The following RIPK3 variants were observed in gnomAD, a reference collection of about 807,000 sequenced individuals.
The protein encoded by RIPK3 is receptor-interacting serine/threonine-protein kinase 3.
RIPK3 carries 51 observed loss-of-function variants against 51.6 expected under a neutral mutation model. The ratio of observed to expected loss-of-function variants is 0.99; its 90% CI spans 0.79 to 1.25. The LOEUF is 1.25. Among genes scored for constraint, RIPK3 ranks in the 50% most tolerant of loss-of-function variants. RIPK3 has a pLI of 0.00. For missense variants in RIPK3, 654 were observed against 650.4 expected, an observed-to-expected ratio of 1.01 and a Z score of -0.06; for synonymous variants, 246 against 257.7, an observed-to-expected ratio of 0.95 and a Z score of 0.44.
At position 24,337,594 on chromosome 14, in the gene RIPK3, G is replaced by T. The variant is rs1950501; in HGVS notation, c.900+101C>A. The T allele has an allele frequency of 2.3e-4, 353 of 1,559,062 alleles. No individual in the cohort carries two copies. In the East Asian group the frequency reaches 3.6e-3, roughly 16 times the overall value. The stretch of plus-strand genomic sequence containing the variant: ...TGGGGACGGTGGGTACAAAGGTCAA[G>T]GCATAAAAAGCAGTGGTCAGTGGTG... On this transcript the variant is annotated intron_variant, in intron 7 of 9. Transcript: ENST00000216274.
intron 3 of RIPK3, 177 bp from the exon 4 acceptor site, chr14:24,338,744 T>C: frequency 1.1e-6 from 1 of 904,958 alleles, no homozygotes; most frequent in Non-Finnish European, 1.6e-6. Flanking sequence ...TAGGTCAAGG[T>C]CTGAGTCTCC....
chr14:24,339,712 C>G lies in RIPK3; in HGVS notation c.20+95G>C. 1 of 1,576,068 alleles carries G rather than the reference C, an allele frequency of 6.3e-7. No homozygotes were observed. Among genetic ancestry groups the G allele is most frequent in the Non-Finnish European group, 8.6e-7 (1 of 1,158,278 alleles). ...CCCAGCCTCCCTCGCCGGCCCCCACCGTCCCCGGACTCAAAGACGTTCTCT... is the reference window on the plus strand; with the variant it reads ...CCCAGCCTCCCTCGCCGGCCCCCACGGTCCCCGGACTCAAAGACGTTCTCT... On this transcript the variant is annotated intron_variant, in intron 1 of 9. Transcript: ENST00000216274. This position sits in a 1 kb window ranked among gnomAD's most constrained non-coding sequence, Gnocchi z 4.0.
chr14:24,338,975 G>A (rs780553140), intron 3 of RIPK3, 40 bp downstream of exon 3: 1 of 1,538,216 alleles, frequency 6.5e-7, no homozygotes, highest in South Asian at 1.1e-5. Flanking sequence ...GCAGCTCTGG[G>A]GCCTTGTCTT....
rs767007978 is a variant in RIPK3, at chr14:24,339,757, T to C, written c.20+50A>G. On this transcript the variant is annotated intron_variant, in intron 1 of 9. Transcript: ENST00000216274. This position sits in a 1 kb window ranked among gnomAD's most constrained non-coding sequence, Gnocchi z 4.0. ...TTCTCTGAGCGAGTCTGTGGGGCTC[T>C]CTGGGTGTGAATGTCGGAGGCTGCG... 1 of 1,565,820 alleles carries C rather than the reference T, an allele frequency of 6.4e-7. No homozygotes were observed. Among genetic ancestry groups the C allele is most frequent in the Non-Finnish European group, 8.6e-7 (1 of 1,156,706 alleles).
In RIPK3 at chr14:24,336,944, C is replaced by T. The variant is rs139713262; in HGVS notation, c.1277G>A (p.Gly426Glu). ...TPSPGPRGNQ[G>E]AERQGMNWSC... ...CCAGTTCATGCCTTGTCTCTCAGCC[C>T]CCTGCAAACAGCACAGAGCATCCAG... is the stretch of plus-strand genomic sequence containing the variant. Residue 426 changes from glycine (G) to glutamate (E), a missense_variant and splice_region_variant, in exon 9 of 10, where the codon GGG becomes GAG. Transcript: ENST00000216274. 3.9e-5 allele frequency: 63 copies of T among 1,613,758 alleles called. No individual in the cohort carries two copies. Among genetic ancestry groups the T allele is most frequent in the Non-Finnish European group, 5.2e-5 (61 of 1,179,868 alleles).
chr14:24,337,673 G>A (rs1000676766), intron 7 of RIPK3, 22 bp downstream of exon 7: 2 of 1,579,446 alleles, frequency 1.3e-6, no homozygotes, highest in Admixed American at 1.7e-5. Flanking sequence ...AGCTCCTGGG[G>A]AGGGGTGATG....
Position 24,336,880 on chromosome 14 carries a change from G to T in RIPK3, c.1336+5C>A. ...AGGGAAAAGAAAGAGGTAGAGAATG[G>T]GTACCTGTTACTGGATTTGGCTCCG... is the stretch of plus-strand genomic sequence containing the variant. On this transcript the variant is annotated splice_donor_5th_base_variant and intron_variant, in intron 9 of 9. Transcript: ENST00000216274. The T allele has an allele frequency of 6.2e-7, 1 of 1,611,644 alleles. No homozygotes were observed. Among genetic ancestry groups the T allele is most frequent in the Non-Finnish European group, 8.5e-7 (1 of 1,177,730 alleles).
chr14:24,337,908 C>T lies in RIPK3; in HGVS notation c.797G>A (p.Trp266Ter). 1 of 1,614,224 alleles carries T rather than the reference C, an allele frequency of 6.2e-7. No individual in the cohort carries two copies. The highest frequency in any genetic ancestry group is 8.5e-7 in the Non-Finnish European group (1 of 1,180,044). ...EGLKELMQLCWSSEPKDRPSF... is the reference protein window; with the variant it reads ...EGLKELMQLC The stretch of plus-strand genomic sequence containing the variant: ...GGGTCTGTCCTTGGGCTCACTGCTC[C>T]AGCAGAGCTGCATTAGCTCCTTCAG... The change falls in exon 6 of 10, where the codon TGG (tryptophan) becomes TAG (stop). Residue 266 changes from tryptophan (W) to a stop codon, truncating the protein, a stop_gained. Coordinates refer to ENST00000216274, the MANE Select transcript of RIPK3 (RefSeq NM_006871.4). LOFTEE classifies it high-confidence loss of function.
At position 24,339,512 on chromosome 14, in the gene RIPK3, A is replaced by G. The variant is rs757907850; in HGVS notation, c.106T>C (p.Phe36Leu). 1 of 1,614,172 alleles carries G rather than the reference A, an allele frequency of 6.2e-7. No individual in the cohort carries two copies. The highest frequency in any genetic ancestry group is 1.7e-5 in the Admixed American group (1 of 60,026). ...LVGKGGFGTV[F>L]RAQHRKWGYD... ...CCCCACTTCCTATGTTGCGCCCGGA[A>G]CACTGTGCCGAACCCGCCTTTGCCG... The change falls in exon 2 of 10, where the codon TTC (phenylalanine) becomes CTC (leucine). Residue 36 changes from phenylalanine to leucine, a missense_variant. By Grantham distance (22) the Phe-to-Leu change is conservative (BLOSUM62 0). Coordinates refer to ENST00000216274, the MANE Select transcript of RIPK3 (RefSeq NM_006871.4). The surrounding 1 kb of genome is among the most constrained non-coding windows in gnomAD (Gnocchi z 4.0).
At position 24,339,633 on chromosome 14, in the gene RIPK3, C is replaced by G. The variant is rs761808877; in HGVS notation, c.21-36G>C. On this transcript the variant is annotated intron_variant, in intron 1 of 9. Coordinates refer to ENST00000216274, the MANE Select transcript of RIPK3 (RefSeq NM_006871.4). This position sits in a 1 kb window ranked among gnomAD's most constrained non-coding sequence, Gnocchi z 4.0. ...GGTGTCGCCCACTAGCCGGCCGTGC[C>G]GTGCCTCAGCGCTGCTCCCCGCGCC... The G allele has an allele frequency of 3.2e-5, 52 of 1,612,418 alleles. No homozygotes were observed. In the Middle Eastern group the frequency reaches 6.6e-4, roughly 20 times the overall value.
intron 7 of RIPK3, 59 bp from the exon 8 acceptor site, chr14:24,337,519 G>T: frequency 6.2e-7 from 1 of 1,611,582 alleles, no homozygotes. Flanking sequence ...TAAACCCAAG[G>T]GAGTAGTCTC....
In RIPK3 at chr14:24,339,702, C is replaced by G. The variant is rs980137714; in HGVS notation, c.20+105G>C. On this transcript the variant is annotated intron_variant, in intron 1 of 9. Transcript: ENST00000216274. This position sits in a 1 kb window ranked among gnomAD's most constrained non-coding sequence, Gnocchi z 4.0. ...CACTGCAATCCCCAGCCTCCCTCGC[C>G]GGCCCCCACCGTCCCCGGACTCAAA... 3.8e-6 allele frequency: 6 copies of G among 1,579,806 alleles called. No homozygotes were observed. The African/African-American group carries it at 8.1e-5, about 21-fold the overall frequency.
chr14:24,337,039 C>A (rs1387727400), intron 8 of RIPK3, 47 bp downstream of exon 8: 4 of 1,607,738 alleles, frequency 2.5e-6, no homozygotes, highest in Non-Finnish European at 3.4e-6. Context: ...AAGGGGACAG[C>A]ATTTATAGGA....
In RIPK3 at chr14:24,339,070, AGG is replaced by A; in HGVS notation, c.414_415del (p.Leu139AlafsTer54). ...GTTGGATGGCTTGAGGTCCCGGTGC[AGG>A]AGCACCGGGTTCTGGTCGTGCAGGT... On this transcript the variant is annotated frameshift_variant, in exon 3 of 10. Transcript: ENST00000216274. LOFTEE classifies it high-confidence loss of function. The surrounding 1 kb of genome is among the most constrained non-coding windows in gnomAD (Gnocchi z 4.0). The A allele has an allele frequency of 6.2e-7, 1 of 1,614,068 alleles. No homozygotes were observed. Among genetic ancestry groups the A allele is most frequent in the Non-Finnish European group, 8.5e-7 (1 of 1,179,914 alleles).
intron 4 of RIPK3, 22 bp downstream of exon 4, chr14:24,338,400 G>A (rs1015888828): frequency 9.4e-6 from 15 of 1,599,644 alleles, no homozygotes; most frequent in Non-Finnish European, 1.3e-5. Flanking sequence ...TCCTGGCTGT[G>A]TGTTTGGGCC....
Position 24,336,189 on chromosome 14 carries a change from G to T in RIPK3, c.1543C>A (p.His515Asn). ...AWSRPQGWYN[H>N]SGK Reference sequence around the variant, plus strand: ...TGGAAGGTGCTTTATTTCCCGCTATGATTATACCAACCCTGTGGCCTGCTC... The same window carrying T: ...TGGAAGGTGCTTTATTTCCCGCTATTATTATACCAACCCTGTGGCCTGCTC... The change falls in exon 10 of 10, where the codon CAT (histidine) becomes AAT (asparagine). Residue 515 changes from histidine to asparagine, a missense_variant. Coordinates refer to ENST00000216274, the MANE Select transcript of RIPK3 (RefSeq NM_006871.4). 6.2e-7 allele frequency: 1 copy of T among 1,613,216 alleles called. No individual in the cohort carries two copies. Among genetic ancestry groups the T allele is most frequent in the South Asian group, 1.1e-5 (1 of 90,984 alleles).
intron 3 of RIPK3, chr14:24,338,772 G>A: frequency 1.3e-6 from 1 of 764,536 alleles, no homozygotes; most frequent in Non-Finnish European, 2.1e-6. Context: ...GGTCAGCCAT[G>A]ACTCTTTGGA....
In RIPK3 at chr14:24,338,425, TA is replaced by T; in HGVS notation, c.613del (p.Tyr205ThrfsTer6). On this transcript the variant is annotated frameshift_variant, in exon 4 of 10. Transcript: ENST00000216274. LOFTEE classifies it high-confidence loss of function. ...NRKASTASDV[Y>X]SFGILMWAVL... The stretch of plus-strand genomic sequence containing the variant: ...GTGTTTGGGCCGGGATCCTTACCTG[TA>T]GACGTCACTGGCTGTGGAGGCCTTC... 1.2e-6 allele frequency: 2 copies of T among 1,611,880 alleles called. No homozygotes were observed. Among genetic ancestry groups the T allele is most frequent in the Non-Finnish European group, 1.7e-6 (2 of 1,178,296 alleles).
chr14:24,337,896 GGCTCACT>G lies in RIPK3; in HGVS notation c.802_808del (p.Ser268ProfsTer25). The G allele has an allele frequency of 6.2e-7, 1 of 1,614,160 alleles. No individual in the cohort carries two copies. The highest frequency in any genetic ancestry group is 1.1e-5 in the South Asian group (1 of 91,080). On this transcript the variant is annotated frameshift_variant, in exon 6 of 10. Transcript: ENST00000216274. LOFTEE classifies it high-confidence loss of function. ...ACCCTGGAAGGAGGGTCTGTCCTTG[GGCTCACT>G]GCTCCAGCAGAGCTGCATTAGCTCC...
Sources: gnomAD v4.1 joint callset for allele counts on GRCh38, gnomAD v4.1.1 for gene constraint, Gnocchi (gnomAD v3.1) non-coding constraint, MANE v1.5 for transcripts, NCBI Gene and HGNC (gene_info 2026-07-23, HGNC 2026-07-21) for gene names.